The following KLRG2 variants were observed in gnomAD, a reference collection of about 807,000 sequenced individuals.
KLRG2 encodes the protein killer cell lectin-like receptor subfamily G member 2.
A neutral mutation model predicts 35.4 loss-of-function variants in KLRG2; 39 were observed. The ratio of observed to expected loss-of-function variants is 1.10; its 90% CI spans 0.85 to 1.44. KLRG2 has a LOEUF of 1.44. Ranked by LOEUF, KLRG2 falls within the 40% of genes most tolerant of loss-of-function variation. The pLI is 0.00. For synonymous variants in KLRG2, 283 were observed against 265.8 expected (o/e 1.06, Z -0.63); for missense variants, 632 against 570.9 (o/e 1.11, Z -1.09).
At chr7:139,447,526 A>G in the KLRG2 span, among the ~76,000 whole-genome samples, 1 of 150,514 alleles carries the variant, frequency 6.6e-6, no homozygotes, top group African/African-American at 2.5e-5. Flanking sequence ...TCAGCCTCCC[A>G]AGTAGCTGGG....
intron 3 of KLRG2, among the ~76,000 whole-genome samples, chr7:139,467,689 C>T (rs966688603): frequency 6.6e-6 from 1 of 150,952 alleles, no homozygotes; most frequent in Non-Finnish European, 1.5e-5. Context: ...CCCAGGGACA[C>T]AAACACTGCG....
chr7:139,441,665 G>A, the KLRG2 span, among the ~76,000 whole-genome samples: 4 of 152,124 alleles, frequency 2.6e-5, no homozygotes, highest in South Asian at 4.1e-4. Context: ...CCAGCTACTT[G>A]GGAGGCTGAG....
At chr7:139,433,090 A>T in the KLRG2 span, among the ~76,000 whole-genome samples, 1 of 152,180 alleles carries the variant, frequency 6.6e-6, no homozygotes. Context: ...ATTTGTTTTC[A>T]TAGTTCTAAA....
At chr7:139,463,789 G>A (rs1796608593) in intron 3 of KLRG2, among the ~76,000 whole-genome samples, 2 of 152,328 alleles carry the variant, frequency 1.3e-5, no homozygotes, top group South Asian at 4.1e-4. Flanking sequence ...TGCCTCAGAA[G>A]CTTCCTGGAC....
chr7:139,439,736 C>G, the KLRG2 span, among the ~76,000 whole-genome samples: 1 of 152,124 alleles, frequency 6.6e-6, no homozygotes, highest in African/African-American at 2.4e-5. Flanking sequence ...GGAGGGGATG[C>G]AGATGTTGGT....
Position 139,464,686 on chromosome 7 carries a change from T to C in KLRG2, c.1006-10472A>G, listed in dbSNP as rs543442216. Among the ~76,000 whole-genome samples the C allele has an allele frequency of 1.1e-4, 16 of 152,324 alleles. No homozygotes were observed. The South Asian group carries it at 2.7e-3, about 26-fold the overall frequency. ...GTGCAGGACTCTGTGGTCGGAATTC[T>C]TACACAAGAGCCAGGACCGCGCCCT... On this transcript the variant is annotated intron_variant, in intron 3 of 4. Coordinates refer to ENST00000340940, the MANE Select transcript of KLRG2 (RefSeq NM_198508.4).
Position 139,453,249 on chromosome 7 carries a change from T to TAACCCTGTC in KLRG2, c.*329_*337dup. On this transcript the variant is annotated 3_prime_UTR_variant, in exon 5 of 5. Transcript: ENST00000340940. ...CCAGATTGGAATCCGCTGTGGTTGTTAACCCTGTCTTTTTCCTCTAGGGGG... is the reference window on the plus strand; with the variant it reads ...CCAGATTGGAATCCGCTGTGGTTGTTAACCCTGTCAACCCTGTCTTTTTCCTCTAGGGGG... The TAACCCTGTC allele has an allele frequency of 2.1e-6, 1 of 467,392 alleles. No individual in the cohort carries two copies. The highest frequency in any genetic ancestry group is 4.2e-5 in the South Asian group (1 of 23,778). 29.0% of individuals were successfully genotyped at this position (467,392 alleles called of 1,614,324 possible).
intron 3 of KLRG2, among the ~76,000 whole-genome samples, chr7:139,467,054 C>A (rs988297199): frequency 6.6e-6 from 1 of 152,134 alleles, no homozygotes; most frequent in Non-Finnish European, 1.5e-5. Context: ...CATCACCAAA[C>A]ATTCTATGGG....
At chr7:139,430,839 T>A in the KLRG2 span, among the ~76,000 whole-genome samples, 3 of 151,908 alleles carry the variant, frequency 2.0e-5, no homozygotes, top group Non-Finnish European at 4.4e-5. Context: ...TGAAACCCTG[T>A]CTCTACTAAA....
rs1481098893 is a variant in KLRG2 at position 139,483,581 on chromosome 7, G to C, written c.62C>G (p.Pro21Arg). The change falls in exon 1 of 5, where the codon CCC becomes CGC. Residue 21 changes from proline (P) to arginine (R), a missense_variant. Coordinates refer to ENST00000340940, the MANE Select transcript of KLRG2 (RefSeq NM_198508.4). ...CAGCGTGGGGACCAGGCTTCCCACG[G>C]GCTCCATTGGGAGCTCTGCCCCGGC... ...GQAGAELPMEPVGSLVPTLEQ... is the reference protein window; with the variant it reads ...GQAGAELPMERVGSLVPTLEQ... 1 of 1,596,418 alleles carries C rather than the reference G, an allele frequency of 6.3e-7. No individual in the cohort carries two copies. Among genetic ancestry groups the C allele is most frequent in the Admixed American group, 1.7e-5 (1 of 59,602 alleles).
At chr7:139,455,324 T>G (rs1339241655) in intron 3 of KLRG2, among the ~76,000 whole-genome samples, 1 of 148,110 alleles carries the variant, frequency 6.8e-6, no homozygotes. Flanking sequence ...GGCCAAGATT[T>G]TTTTTTTTTT....
At chr7:139,471,479 T>C (rs932091156) in intron 3 of KLRG2, among the ~76,000 whole-genome samples, 1 of 152,008 alleles carries the variant, frequency 6.6e-6, no homozygotes, top group Admixed American at 6.6e-5. Context: ...CTGGCCAACA[T>C]GGTGAAACTC....
At chr7:139,435,641 C>A in the KLRG2 span, among the ~76,000 whole-genome samples, 3 of 152,220 alleles carry the variant, frequency 2.0e-5, no homozygotes, top group Admixed American at 2.0e-4. Flanking sequence ...AACCACTGAT[C>A]TCTCTAGCAT....
At chr7:139,433,625 CTTT>C in the KLRG2 span, among the ~76,000 whole-genome samples, 1 of 118,982 alleles carries the variant, frequency 8.4e-6, no homozygotes, top group African/African-American at 3.6e-5. Flanking sequence ...TGCGCCCGGC[CTTT>C]TTTTTTTTTT....
chr7:139,479,105 C>T lies in KLRG2; in HGVS notation c.1005+522G>A, dbSNP rs554739544. Among the ~76,000 whole-genome samples, 14 of 152,084 alleles carry T rather than the reference C, an allele frequency of 9.2e-5. No homozygotes were observed. In the East Asian group the frequency reaches 1.2e-3, roughly 13 times the overall value. ...TTTTATTTATTTATTTATTTTGAGA[C>T]GGAGCCTTGCTCTGTTGCCCAGGCT... is the stretch of plus-strand genomic sequence containing the variant. On this transcript the variant is annotated intron_variant, in intron 3 of 4. Coordinates refer to ENST00000340940, the MANE Select transcript of KLRG2 (RefSeq NM_198508.4).
chr7:139,481,754 T>C (rs1036305633), intron 1 of KLRG2, among the ~76,000 whole-genome samples: 2 of 152,028 alleles, frequency 1.3e-5, no homozygotes, highest in Admixed American at 1.3e-4. Flanking sequence ...TGAAACCCCC[T>C]GTCTACCAAA....
At chr7:139,459,327 T>C (rs1436896494) in intron 3 of KLRG2, among the ~76,000 whole-genome samples, 1 of 152,236 alleles carries the variant, frequency 6.6e-6, no homozygotes, top group Non-Finnish European at 1.5e-5. Flanking sequence ...CAAAATGCTA[T>C]GTTCATCAGT....
chr7:139,480,693 C>A (rs1796942748), intron 1 of KLRG2, among the ~76,000 whole-genome samples: 1 of 150,986 alleles, frequency 6.6e-6, no homozygotes, highest in Non-Finnish European at 1.5e-5. Flanking sequence ...GATCTGCCCA[C>A]CTCGGCCTCC....
rs1007589439 is a variant in KLRG2, at chr7:139,468,256, C to T, written c.1005+11371G>A. 4.6e-5 allele frequency among the ~76,000 whole-genome samples: 7 copies of T among 151,998 alleles called. 1 individual carries two copies. Among genetic ancestry groups the T allele is most frequent in the African/African-American group, 1.7e-4 (7 of 41,360 alleles). ...ATCCTCTATATGCTGAACGCTGGTC[C>T]CCTGGGCCCCCTTATTTCTTTCTCT... On this transcript the variant is annotated intron_variant, in intron 3 of 4. Coordinates refer to ENST00000340940, the MANE Select transcript of KLRG2 (RefSeq NM_198508.4).
Sources: allele counts gnomAD v4.1 joint callset (sites outside exome capture counted in the v4.1 genomes callset), GRCh38; gene constraint gnomAD v4.1.1; transcripts MANE v1.5; gene names NCBI Gene and HGNC (gene_info 2026-07-23, HGNC 2026-07-21).